SNIP1: variants seen among roughly 807,000 people sequenced by gnomAD.
The protein encoded by SNIP1 is Smad nuclear interacting protein 1.
A neutral mutation model predicts 37.4 loss-of-function variants in SNIP1; 23 were observed. The observed-to-expected ratio is 0.61, with a 90% CI of 0.44 to 0.87. The LOEUF (loss-of-function observed/expected upper bound fraction) is 0.87. SNIP1 is among the 40% of genes least tolerant of loss of function. The pLI is 0.00. For synonymous variants in SNIP1, 174 were observed against 200.0 expected, an observed-to-expected ratio of 0.87 and a Z score of 1.10; for missense variants, 459 against 540.4, an observed-to-expected ratio of 0.85 and a Z score of 1.49.
intron 2 of SNIP1, among the ~76,000 whole-genome samples, chr1:37,541,999 T>A (rs1180576428): frequency 2.0e-5 from 3 of 151,662 alleles, no homozygotes; most frequent in Admixed American, 1.3e-4. Flanking sequence ...AATATATGAT[T>A]TGAAAAGTTT....
At position 37,537,799 on chromosome 1, in the gene SNIP1, G is replaced by C; in HGVS notation, c.1140C>G (p.Asp380Glu). 1 of 1,614,136 alleles carries C rather than the reference G, an allele frequency of 6.2e-7. No homozygotes were observed. The highest frequency in any genetic ancestry group is 8.5e-7 in the Non-Finnish European group (1 of 1,179,996). The change falls in exon 4 of 4, where the codon GAC becomes GAG. Residue 380 changes from aspartate (D) to glutamate (E), a missense_variant. Coordinates refer to ENST00000296215, the MANE Select transcript of SNIP1 (RefSeq NM_024700.4). ...CCTCCTCATCCTCGTCATCTTTCCT[G>C]TCTATTTCAGAAGTGTCCGACGACT... ...LHESSDTSEI[D>E]RKDDEDEEEE...
rs2148111143 is a variant in SNIP1, at chr1:37,536,855, G to A, written c.*893C>T. ...TAGAAACATGTAAACAACACAACCT[G>A]CTTTAGATCTATACATGTTATTAGA... On this transcript the variant is annotated 3_prime_UTR_variant, in exon 4 of 4. Coordinates refer to ENST00000296215, the MANE Select transcript of SNIP1 (RefSeq NM_024700.4). 1 of 152,192 alleles carries A rather than the reference G, an allele frequency of 6.6e-6. No homozygotes were observed. Among genetic ancestry groups the A allele is most frequent in the South Asian group, 2.1e-4 (1 of 4,812 alleles). 9.4% of individuals were successfully genotyped at this position (152,192 alleles called of 1,614,324 possible).
chr1:37,537,534 A>C lies in SNIP1; in HGVS notation c.*214T>G. 1 of 533,172 alleles carries C rather than the reference A, an allele frequency of 1.9e-6. No individual in the cohort carries two copies. Among genetic ancestry groups the C allele is most frequent in the African/African-American group, 1.9e-5 (1 of 52,750 alleles). The allele number at this position is 533,172 out of a possible 1,614,324, so 33.0% of individuals were successfully genotyped here. ...GTTCTGAAAACAAATGCCTGCAGGC[A>C]TGTGGCCAAGGTGCCACAGAAAAAG... On this transcript the variant is annotated 3_prime_UTR_variant, in exon 4 of 4. Transcript: ENST00000296215.
At position 37,537,982 on chromosome 1, in the gene SNIP1, T is replaced by A. The variant is rs1260820000; in HGVS notation, c.957A>T (p.Thr319=). ...TGTAGGGCTTCACTCTTCGGCCAAC[T>A]GTGCCATCAGCACGGGTATATTCCA... is the stretch of plus-strand genomic sequence containing the variant. ...RLVEYTRADG[T]VGRRVKPYII... Residue 319 remains threonine, a synonymous_variant, in exon 4 of 4, where the codon ACA becomes ACT. Transcript: ENST00000296215. The A allele has an allele frequency of 1.2e-6, 2 of 1,613,656 alleles. No individual in the cohort carries two copies. The highest frequency in any genetic ancestry group is 1.7e-6 in the Non-Finnish European group (2 of 1,179,770).
In SNIP1 at chr1:37,554,029, C is replaced by A. The variant is rs1420512082; in HGVS notation, c.201G>T (p.Gly67=). 6.3e-7 allele frequency: 1 copy of A among 1,575,192 alleles called. No homozygotes were observed. The highest frequency in any genetic ancestry group is 8.6e-7 in the Non-Finnish European group (1 of 1,160,712). Residue 67 remains glycine, a synonymous_variant, in exon 1 of 4, where the codon GGG becomes GGT. Coordinates refer to ENST00000296215, the MANE Select transcript of SNIP1 (RefSeq NM_024700.4). ...ACCGGCTAACTCCTCGGGCTCGGTT[C>A]CCGCGGTGGCCCGAGCGGGCCGGCT... ...TSEPARSGHR[G]NRARGVSRSP... is the part of the protein sequence containing the mutation.
intron 2 of SNIP1, chr1:37,545,305 T>G (rs1203138421): frequency 8.3e-6 from 5 of 599,722 alleles, no homozygotes; most frequent in African/African-American, 1.8e-5. Context: ...AAGCTAAGCC[T>G]TAGGCTAATT....
chr1:37,538,144 A>G, intron 3 of SNIP1, 132 bp from the exon 4 acceptor site: 1 of 1,071,210 alleles, frequency 9.3e-7, no homozygotes, highest in Non-Finnish European at 1.3e-6. Context: ...TTAAAATTCT[A>G]GGGAATCAAA....
At chr1:37,553,586 C>CT (rs944881528) in intron 1 of SNIP1, among the ~76,000 whole-genome samples, 85 of 148,506 alleles carry the variant, frequency 5.7e-4, no homozygotes, top group African/African-American at 1.5e-3. Context: ...CAAGAAGTAA[C>CT]TTTTTTTTTT....
intron 2 of SNIP1, among the ~76,000 whole-genome samples, chr1:37,552,043 A>G (rs948475865): frequency 2.0e-5 from 3 of 152,254 alleles, no homozygotes; most frequent in Non-Finnish European, 4.4e-5. Flanking sequence ...CCACTCAGCA[A>G]TGAAATGGAA....
At chr1:37,544,747 C>A in intron 2 of SNIP1, 1 of 677,006 alleles carries the variant, frequency 1.5e-6, no homozygotes, top group East Asian at 2.8e-5. Context: ...GCCGCACAGC[C>A]ACCGTGGCCA....
In SNIP1 at chr1:37,553,976, A is replaced by G. The variant is rs772464296; in HGVS notation, c.224+30T>C. On this transcript the variant is annotated intron_variant, in intron 1 of 3. Coordinates refer to ENST00000296215, the MANE Select transcript of SNIP1 (RefSeq NM_024700.4). ...CGCCTTTCTGAATGAGCCCAACCCA[A>G]TGTCCATCCTGGACTGCTCCCCCAC... 9.7e-6 allele frequency: 15 copies of G among 1,547,950 alleles called. No individual in the cohort carries two copies. The Admixed American group carries it at 1.8e-4, about 18-fold the overall frequency.
intron 2 of SNIP1, among the ~76,000 whole-genome samples, chr1:37,546,151 C>G (rs868754945): frequency 4.7e-5 from 7 of 148,790 alleles, no homozygotes; most frequent in Non-Finnish European, 8.9e-5. Context: ...TAAGACCCCC[C>G]CCCCCCCCGC....
In SNIP1 at chr1:37,535,004, G is replaced by C. The variant is rs2148110066; in HGVS notation, c.*2744C>G. ...AGTCTGCTGGTGATATCTGGCTTTA[G>C]AGGCAGGTAATGTCTTTTGACACCC... On this transcript the variant is annotated 3_prime_UTR_variant, in exon 4 of 4. Coordinates refer to ENST00000296215, the MANE Select transcript of SNIP1 (RefSeq NM_024700.4). 6.7e-6 allele frequency: 1 copy of C among 150,320 alleles called. No individual in the cohort carries two copies. Among genetic ancestry groups the C allele is most frequent in the Admixed American group, 6.6e-5 (1 of 15,042 alleles). 9.3% of individuals were successfully genotyped at this position (150,320 alleles called of 1,614,324 possible).
chr1:37,542,816 G>A (rs1445879354), intron 2 of SNIP1, among the ~76,000 whole-genome samples: 2 of 151,140 alleles, frequency 1.3e-5, no homozygotes, highest in South Asian at 2.1e-4. Flanking sequence ...AGTGGGTCAC[G>A]CCTGTAATCC....
At position 37,540,875 on chromosome 1, in the gene SNIP1, G is replaced by C. The variant is rs1643166963; in HGVS notation, c.328-120C>G. On this transcript the variant is annotated intron_variant, in intron 2 of 3. Transcript: ENST00000296215. This position sits in a 1 kb window ranked among gnomAD's most constrained non-coding sequence, Gnocchi z 5.6. ...CTTGTAATTTGGACTTTGGCATTTA[G>C]AACAACATTTCCCACAGAAATAAGA... 4.4e-6 allele frequency: 4 copies of C among 904,864 alleles called. No individual in the cohort carries two copies. Among genetic ancestry groups the C allele is most frequent in the Non-Finnish European group, 5.0e-6 (3 of 604,696 alleles). The allele number at this position is 904,864 out of a possible 1,614,324, so 56.1% of individuals were successfully genotyped here. A position where few individuals can be genotyped will look rare whatever the true frequency, so the allele number is the denominator to read the frequency against.
rs562670069 is a variant in SNIP1, at chr1:37,540,409, C to T, written c.674G>A (p.Ser225Asn). 7 of 1,614,130 alleles carry T rather than the reference C, an allele frequency of 4.3e-6. No homozygotes were observed. The South Asian group carries it at 7.7e-5, about 18-fold the overall frequency. ...AAGAAGTGCCCCAGAAAGTTCAAAG[C>T]TTGGTTTTTCTTTAGCGGGCACCTC... ...EKEVPAKEKP[S>N]FELSGALLED... The change falls in exon 3 of 4, where the codon AGC becomes AAC. Residue 225 changes from serine (S) to asparagine (N), a missense_variant. Transcript: ENST00000296215. The surrounding 1 kb of genome is among the most constrained non-coding windows in gnomAD (Gnocchi z 5.6).
rs1037469483 is a variant in SNIP1 at position 37,540,925 on chromosome 1, C to T, written c.328-170G>A. 4.4e-5 allele frequency: 27 copies of T among 609,392 alleles called. No individual in the cohort carries two copies. The highest frequency in any genetic ancestry group is 1.1e-4 in the African/African-American group (6 of 54,312). 37.7% of individuals were successfully genotyped at this position (609,392 alleles called of 1,614,324 possible). A position where few individuals can be genotyped will look rare whatever the true frequency, so the allele number is the denominator to read the frequency against. On this transcript the variant is annotated intron_variant, in intron 2 of 3. Transcript: ENST00000296215. The surrounding 1 kb of genome is among the most constrained non-coding windows in gnomAD (Gnocchi z 5.6). ...ATTATGTCTGGTGGTTATGTTCCCT[C>T]GCAAGGCCACAAAGATGATATCCCA...
Position 37,554,154 on chromosome 1 carries a change from C to G in SNIP1, c.76G>C (p.Gly26Arg), listed in dbSNP as rs781583580. 3.1e-6 allele frequency: 5 copies of G among 1,612,830 alleles called. No individual in the cohort carries two copies. In the South Asian group the frequency reaches 3.3e-5, roughly 11 times the overall value. The change falls in exon 1 of 4, where the codon GGG becomes CGG. Residue 26 changes from glycine to arginine, a missense_variant. By Grantham distance (125) the Gly-to-Arg change is moderately radical (BLOSUM62 -2). Transcript: ENST00000296215. ...AGACGCTCCTGCTTCACCACCACCC[C>G]CGCCGGCAGCACCACGTCCCCGTCC... The part of the protein sequence containing the change: ...HRDGDVVLPA[G>R]VVVKQERLSP...
chr1:37,548,928 C>T (rs1643272137), intron 2 of SNIP1: 1 of 152,194 alleles, frequency 6.6e-6, no homozygotes. Context: ...TCCATTAAAC[C>T]TCTTTCTTTT....
Sources: gnomAD v4.1 joint callset for allele counts (sites outside exome capture counted in the v4.1 genomes callset) on GRCh38, gnomAD v4.1.1 for gene constraint, Gnocchi (gnomAD v3.1) non-coding constraint, MANE v1.5 for transcripts, NCBI Gene and HGNC (gene_info 2026-07-23, HGNC 2026-07-21) for gene names.